SORL1: variants seen among roughly 807,000 people sequenced by gnomAD.
The protein encoded by SORL1 is sortilin related receptor 1.
Under a neutral mutation model 273.7 loss-of-function variants are expected in SORL1, and 127 were observed. The ratio of observed to expected loss-of-function variants is 0.46; its 90% CI spans 0.40 to 0.54. SORL1 has a LOEUF of 0.54. Among genes scored for constraint, SORL1 ranks in the 20% least tolerant of loss-of-function variants. The probability of loss-of-function intolerance (pLI) is 0.00; values close to 1 mark genes in which losing one functional copy is unlikely to be tolerated. For synonymous variants in SORL1, 1,031 were observed against 1,067.4 expected, an observed-to-expected ratio of 0.97 and a Z score of 0.66; for missense variants, 2,494 against 2,846.1, an observed-to-expected ratio of 0.88 and a Z score of 2.81.
At chr11:121,625,796 G>A (rs1863787706) in intron 46 of SORL1, among the ~76,000 whole-genome samples, 1 of 152,156 alleles carries the variant, frequency 6.6e-6, no homozygotes, top group Non-Finnish European at 1.5e-5. Context: ...CCATGCTAGT[G>A]ATGGAAGAGA....
At chr11:121,468,612 GGTTTCA>G (rs1861123116) in intron 1 of SORL1, among the ~76,000 whole-genome samples, 1 of 152,098 alleles carries the variant, frequency 6.6e-6, no homozygotes, top group Non-Finnish European at 1.5e-5. Context: ...GTAGAGATGG[GGTTTCA>G]CCGTATTGGC....
chr11:121,615,149 A>C, intron 41 of SORL1, 94 bp downstream of exon 41: 1 of 1,056,518 alleles, frequency 9.5e-7, no homozygotes, highest in South Asian at 1.8e-5. Flanking sequence ...CTCTTTTGCA[A>C]ATGTTCCGGT....
intron 7 of SORL1, 31 bp downstream of exon 7, chr11:121,513,135 A>C: frequency 1.4e-6 from 2 of 1,474,172 alleles, no homozygotes; most frequent in Non-Finnish European, 1.9e-6. Context: ...GATGGGAAGA[A>C]GTATCATTGT....
At chr11:121,518,762 C>T (rs1861989973) in intron 8 of SORL1, among the ~76,000 whole-genome samples, 1 of 152,088 alleles carries the variant, frequency 6.6e-6, no homozygotes, top group South Asian at 2.1e-4. Context: ...TGGTGGGGCT[C>T]CTAGTGTTCC....
chr11:121,604,296 G>A lies in SORL1; in HGVS notation c.4623G>A (p.Ser1541=), dbSNP rs750933481. 4.3e-6 allele frequency: 7 copies of A among 1,613,850 alleles called. No homozygotes were observed. Among genetic ancestry groups the A allele is most frequent in the East Asian group, 4.5e-5 (2 of 44,896 alleles). Residue 1541 remains serine (S), a synonymous_variant, in exon 33 of 48, where the codon TCG becomes TCA. Transcript: ENST00000260197. ...SERCDGFLDC[S]DESDEKACSD... The stretch of plus-strand genomic sequence containing the variant: ...GCTGCGACGGCTTCCTGGACTGCTC[G>A]GACGAGAGCGATGAAAAGGCCTGCA...
rs145557291 is a variant in SORL1 at position 121,588,084 on chromosome 11, C to A, written c.3879C>A (p.Ser1293=). ...ACCGCCAGCAGTGCCTGTTCCACTC[C>A]ATGGTCTGTGACGGAATCATCCAGT... is the stretch of plus-strand genomic sequence containing the variant. ...CKNRQQCLFH[S]MVCDGIIQCR... is the part of the protein sequence containing the mutation. The change falls in exon 28 of 48, where the codon TCC becomes TCA. Residue 1293 remains serine, a synonymous_variant. Coordinates refer to ENST00000260197, the MANE Select transcript of SORL1 (RefSeq NM_003105.6). The A allele has an allele frequency of 1.9e-6, 3 of 1,613,946 alleles. No homozygotes were observed. In the Admixed American group the frequency reaches 5.0e-5, roughly 27 times the overall value.
chr11:121,537,992 T>C (rs975421451), intron 12 of SORL1, among the ~76,000 whole-genome samples: 2 of 152,230 alleles, frequency 1.3e-5, no homozygotes, highest in African/African-American at 4.8e-5. Context: ...CTCTATCTTC[T>C]AGGTTCTCCC....
intron 3 of SORL1, among the ~76,000 whole-genome samples, chr11:121,483,845 GA>G (rs1296908914): frequency 6.6e-6 from 1 of 152,142 alleles, no homozygotes; most frequent in Non-Finnish European, 1.5e-5. Context: ...AGAGCTAGGG[GA>G]ATCAAATGAG....
chr11:121,543,976 T>A (rs1379332586), intron 13 of SORL1, among the ~76,000 whole-genome samples: 1 of 152,188 alleles, frequency 6.6e-6, no homozygotes, highest in African/African-American at 2.4e-5. Context: ...AGTTTAAATA[T>A]ATGTCTGCTG....
intron 30 of SORL1, chr11:121,590,547 T>G (rs1863194245): frequency 1.8e-6 from 1 of 544,132 alleles, no homozygotes; most frequent in African/African-American, 1.9e-5. Flanking sequence ...TCCTGTGTGC[T>G]CCACAATGCA....
intron 33 of SORL1, among the ~76,000 whole-genome samples, chr11:121,604,528 C>T (rs948161162): frequency 2.0e-5 from 3 of 151,484 alleles, no homozygotes; most frequent in Non-Finnish European, 4.4e-5. Context: ...CTGTCTCCTC[C>T]CTGTTAGTGA....
At chr11:121,540,123 T>C (rs1347522542) in intron 12 of SORL1, among the ~76,000 whole-genome samples, 1 of 152,204 alleles carries the variant, frequency 6.6e-6, no homozygotes, top group Non-Finnish European at 1.5e-5. Context: ...TTTTTTCCCA[T>C]CTTGAATATG....
In SORL1 at chr11:121,595,772, C is replaced by G. The variant is rs766334209; in HGVS notation, c.4519C>G (p.Pro1507Ala). ...GGATGGCCGGGACGAGGCCAATTGCCGTGAGTAGTCAGAGAGCCCTTCACC... is the reference window on the plus strand; with the variant it reads ...GGATGGCCGGGACGAGGCCAATTGCGGTGAGTAGTCAGAGAGCCCTTCACC... ...CQDGRDEANC[P>A]THSTLTCMSR... Residue 1507 changes from proline to alanine, a missense_variant and splice_region_variant, in exon 32 of 48, where the codon CCC becomes GCC. Physicochemically the swap from Pro to Ala is conservative, Grantham distance 27. Coordinates refer to ENST00000260197, the MANE Select transcript of SORL1 (RefSeq NM_003105.6). This position sits in a 1 kb window ranked among gnomAD's most constrained non-coding sequence, Gnocchi z 5.1. The G allele has an allele frequency of 1.9e-6, 3 of 1,611,774 alleles. No homozygotes were observed. Among genetic ancestry groups the G allele is most frequent in the Non-Finnish European group, 2.5e-6 (3 of 1,179,960 alleles).
chr11:121,579,612 A>C (rs1001794944), intron 25 of SORL1, among the ~76,000 whole-genome samples: 2 of 152,142 alleles, frequency 1.3e-5, no homozygotes, highest in Non-Finnish European at 2.9e-5. Context: ...CCTCTCTCCT[A>C]GATATATGGG....
At chr11:121,589,505 G>T in intron 29 of SORL1, 115 bp downstream of exon 29, 3 of 1,296,280 alleles carry the variant, frequency 2.3e-6, no homozygotes, top group Non-Finnish European at 3.3e-6. Context: ...CCGTAACTCA[G>T]CAGCAGTTGC....
chr11:121,499,913 T>G (rs1402085208), intron 6 of SORL1, among the ~76,000 whole-genome samples: 2 of 152,236 alleles, frequency 1.3e-5, no homozygotes, highest in East Asian at 1.9e-4. Context: ...CCATGAATGA[T>G]TACAGTCCTT....
intron 44 of SORL1, 120 bp from the exon 45 acceptor site, chr11:121,622,042 A>T (rs1174327466): frequency 3.2e-6 from 2 of 626,562 alleles, no homozygotes; most frequent in Non-Finnish European, 5.7e-6. Context: ...TATGTGTTTT[A>T]TTTTTTCTGT....
intron 40 of SORL1, among the ~76,000 whole-genome samples, chr11:121,613,493 T>A (rs1006871150): frequency 6.6e-6 from 1 of 152,160 alleles, no homozygotes; most frequent in Non-Finnish European, 1.5e-5. Flanking sequence ...TTTTATTGAG[T>A]CCTTGTCATA....
intron 6 of SORL1, among the ~76,000 whole-genome samples, chr11:121,508,902 T>C (rs1286409186): frequency 6.6e-6 from 1 of 152,204 alleles, no homozygotes; most frequent in East Asian, 1.9e-4. Context: ...CTAGAAATGC[T>C]TCCAATTAAT....
Sources: gnomAD v4.1 joint callset for allele counts (sites outside exome capture counted in the v4.1 genomes callset) on GRCh38, gnomAD v4.1.1 for gene constraint, Gnocchi (gnomAD v3.1) non-coding constraint, MANE v1.5 for transcripts, NCBI Gene and HGNC (gene_info 2026-07-23, HGNC 2026-07-21) for gene names.